QTMAN: variants seen among roughly 807,000 people sequenced by gnomAD.
The protein encoded by QTMAN is queuosine-tRNA mannosyltransferase.
At chr2:144,115,964 A>G in the QTMAN span, among the ~76,000 whole-genome samples, 1 of 152,162 alleles carries the variant, frequency 6.6e-6, no homozygotes, top group Admixed American at 6.5e-5. Flanking sequence ...GATAAAATGT[A>G]TTACCCTGCA....
chr2:144,323,603 T>C, the QTMAN span, among the ~76,000 whole-genome samples: 5 of 152,196 alleles, frequency 3.3e-5, no homozygotes, highest in Non-Finnish European at 7.4e-5. Context: ...AGGGTCTCAG[T>C]GATCCCTAGG....
the QTMAN span, chr2:143,945,840 C>T: frequency 6.6e-6 from 1 of 152,216 alleles, no homozygotes; most frequent in South Asian, 2.1e-4. Flanking sequence ...CTCCTGCTTT[C>T]CAGAATGCAA....
chr2:144,043,793 G>T, the QTMAN span, among the ~76,000 whole-genome samples: 1 of 152,138 alleles, frequency 6.6e-6, no homozygotes, highest in Non-Finnish European at 1.5e-5. Context: ...AAAATTAACT[G>T]AACTTGCCTT....
the QTMAN span, among the ~76,000 whole-genome samples, chr2:144,262,440 C>A: frequency 3.3e-5 from 5 of 151,456 alleles, no homozygotes; most frequent in Admixed American, 2.0e-4. Flanking sequence ...GGTGATGGGT[C>A]ACACCTATAG....
At chr2:144,260,139 T>C in the QTMAN span, among the ~76,000 whole-genome samples, 7 of 152,148 alleles carry the variant, frequency 4.6e-5, no homozygotes, top group Non-Finnish European at 1.0e-4. Flanking sequence ...TTTTCAACTT[T>C]AGTGAAAACA....
chr2:144,112,026 T>G, the QTMAN span, among the ~76,000 whole-genome samples: 1 of 152,248 alleles, frequency 6.6e-6, no homozygotes, highest in Non-Finnish European at 1.5e-5. Flanking sequence ...TTGTCAATTA[T>G]GTTTAAATGA....
chr2:144,148,996 T>C, the QTMAN span, among the ~76,000 whole-genome samples: 2 of 151,950 alleles, frequency 1.3e-5, no homozygotes, highest in African/African-American at 4.8e-5. Flanking sequence ...CTCAAATATT[T>C]AGCTCAACAA....
the QTMAN span, among the ~76,000 whole-genome samples, chr2:144,301,319 T>C: frequency 6.6e-6 from 1 of 152,176 alleles, no homozygotes; most frequent in East Asian, 1.9e-4. Context: ...GCTTCCCAGA[T>C]GCAAGTGATT....
chr2:144,139,633 C>T, the QTMAN span, among the ~76,000 whole-genome samples: 1 of 152,014 alleles, frequency 6.6e-6, no homozygotes, highest in Non-Finnish European at 1.5e-5. Context: ...AGAATACACT[C>T]TCATGCTACT....
the QTMAN span, among the ~76,000 whole-genome samples, chr2:144,067,310 T>C: frequency 6.6e-6 from 1 of 152,270 alleles, no homozygotes; most frequent in African/African-American, 2.4e-5. Flanking sequence ...AAATTGGCTC[T>C]TAAAAATTAA....
the QTMAN span, among the ~76,000 whole-genome samples, chr2:144,057,211 A>G: frequency 6.6e-6 from 1 of 152,252 alleles, no homozygotes; most frequent in Non-Finnish European, 1.5e-5. Context: ...CATGGCAACT[A>G]AGCTGGTAGA....
the QTMAN span, among the ~76,000 whole-genome samples, chr2:144,094,531 T>G: frequency 7.9e-5 from 12 of 152,176 alleles, no homozygotes; most frequent in Non-Finnish European, 1.5e-4. Flanking sequence ...AAGGCACTTC[T>G]TCACAGCACA....
At chr2:144,175,618 T>C in the QTMAN span, among the ~76,000 whole-genome samples, 1 of 152,062 alleles carries the variant, frequency 6.6e-6, no homozygotes, top group African/African-American at 2.4e-5. Context: ...TATATAAAGA[T>C]ATATATAGAG....
the QTMAN span, among the ~76,000 whole-genome samples, chr2:144,153,694 G>GAAAACA: frequency 1.3e-5 from 2 of 151,990 alleles, no homozygotes; most frequent in Admixed American, 6.6e-5. Flanking sequence ...CCGTCTCAAA[G>GAAAACA]AAAACAAAAA....
At chr2:144,001,392 T>C in the QTMAN span, among the ~76,000 whole-genome samples, 2 of 151,968 alleles carry the variant, frequency 1.3e-5, no homozygotes, top group African/African-American at 2.4e-5. Flanking sequence ...TTCTCAATGA[T>C]TGGACTTTTT....
chr2:143,952,782 T>C, the QTMAN span: 1 of 1,599,314 alleles, frequency 6.3e-7, no homozygotes, highest in Non-Finnish European at 8.6e-7. Context: ...CCTGGAAATA[T>C]TTCGGGATAA....
chr2:144,173,052 T>C, the QTMAN span, among the ~76,000 whole-genome samples: 1 of 152,226 alleles, frequency 6.6e-6, no homozygotes, highest in Non-Finnish European at 1.5e-5. Flanking sequence ...GGATAGCTTT[T>C]TTCTTTCAGC....
the QTMAN span, among the ~76,000 whole-genome samples, chr2:144,186,284 C>T: frequency 6.6e-6 from 1 of 152,132 alleles, no homozygotes; most frequent in Non-Finnish European, 1.5e-5. Context: ...CCATTAGTTA[C>T]ATCATGCCCT....
the QTMAN span, among the ~76,000 whole-genome samples, chr2:144,190,792 A>T: frequency 1.3e-5 from 2 of 152,348 alleles, no homozygotes; most frequent in Non-Finnish European, 2.9e-5. Flanking sequence ...GGGATGGTGG[A>T]AAACCTTCAA....
Sources: gnomAD v4.1 joint callset for allele counts (sites outside exome capture counted in the v4.1 genomes callset) on GRCh38, gnomAD v4.1.1 for gene constraint, MANE v1.5 for transcripts, NCBI Gene and HGNC (gene_info 2026-07-23, HGNC 2026-07-21) for gene names.